Variants in DAPP1 observed in about 807,000 individuals in gnomAD.
The protein encoded by DAPP1 is dual adaptor of phosphotyrosine and 3-phosphoinositides 1.
In DAPP1, 20 loss-of-function variants were observed where a neutral mutation model predicts 41.5. The ratio of observed to expected loss-of-function variants is 0.48; its 90% CI spans 0.34 to 0.70. The LOEUF (loss-of-function observed/expected upper bound fraction) is 0.70. Among genes scored for constraint, DAPP1 ranks in the 30% least tolerant of loss-of-function variants. DAPP1 has a pLI of 0.01. For missense variants in DAPP1, 233 were observed against 333.4 expected, an observed-to-expected ratio of 0.70 and a Z score of 2.35; for synonymous variants, 113 against 116.2, an observed-to-expected ratio of 0.97 and a Z score of 0.18.
chr4:99,830,503 A>G (rs1348306834), intron 1 of DAPP1, among the ~76,000 whole-genome samples: 1 of 152,196 alleles, frequency 6.6e-6, no homozygotes, highest in African/African-American at 2.4e-5. Context: ...TAAACATCAG[A>G]CAAGGAACTG....
intron 1 of DAPP1, among the ~76,000 whole-genome samples, chr4:99,828,042 T>C (rs749086948): frequency 1.3e-5 from 2 of 152,248 alleles, no homozygotes; most frequent in Admixed American, 6.5e-5. Context: ...ATCATGAACA[T>C]ATGGATTAAG....
At chr4:99,827,759 G>T (rs1002962378) in intron 1 of DAPP1, among the ~76,000 whole-genome samples, 1 of 152,066 alleles carries the variant, frequency 6.6e-6, no homozygotes, top group African/African-American at 2.4e-5. Flanking sequence ...AGAGTTTAAC[G>T]TTAAGACAGA....
At chr4:99,823,515 T>A (rs920196413) in intron 1 of DAPP1, among the ~76,000 whole-genome samples, 15 of 152,228 alleles carry the variant, frequency 9.9e-5, no homozygotes, top group Non-Finnish European at 1.5e-5. Flanking sequence ...ATTATATGTA[T>A]AATTTTGCTT....
rs562889183 is a variant in DAPP1 at position 99,853,959 on chromosome 4, A to C, written c.489+611A>C. Among the ~76,000 whole-genome samples, 68 of 152,320 alleles carry C rather than the reference A, an allele frequency of 4.5e-4. 1 individual carries two copies. The highest frequency in any genetic ancestry group is 1.5e-3 in the African/African-American group (64 of 41,582). On this transcript the variant is annotated intron_variant, in intron 4 of 8. Coordinates refer to ENST00000512369, the MANE Select transcript of DAPP1 (RefSeq NM_014395.3). ...AGTTTGCATTCACATAGTTTTCTAAACTGTTTTCTCCTACAATTTTCTTAT... is the reference window on the plus strand; with the variant it reads ...AGTTTGCATTCACATAGTTTTCTAACCTGTTTTCTCCTACAATTTTCTTAT...
chr4:99,831,884 G>T (rs1723130586), intron 1 of DAPP1, among the ~76,000 whole-genome samples: 1 of 151,280 alleles, frequency 6.6e-6, no homozygotes, highest in Non-Finnish European at 1.5e-5. Flanking sequence ...TTCCTCTTCT[G>T]AAAAACACAT....
intron 3 of DAPP1, chr4:99,844,475 G>A (rs1053918967): frequency 6.6e-6 from 1 of 152,140 alleles, no homozygotes; most frequent in Admixed American, 6.5e-5. Context: ...GTAGCCTCTT[G>A]TAATTAGCTA....
At chr4:99,850,376 C>T (rs984778917) in intron 3 of DAPP1, among the ~76,000 whole-genome samples, 1 of 151,850 alleles carries the variant, frequency 6.6e-6, no homozygotes, top group Non-Finnish European at 1.5e-5. Context: ...TGACATTGCA[C>T]TCCAGCCTGG....
chr4:99,817,997 C>T (rs1651792666), intron 1 of DAPP1, among the ~76,000 whole-genome samples: 1 of 152,216 alleles, frequency 6.6e-6, no homozygotes. Context: ...CAACCTACCA[C>T]AGGCTATGTC....
At chr4:99,840,233 C>T in intron 2 of DAPP1, 56 bp from the exon 3 acceptor site, 1 of 1,253,120 alleles carries the variant, frequency 8.0e-7, no homozygotes, top group Non-Finnish European at 1.1e-6. Context: ...TCATATTTCC[C>T]TTCAACAAGA....
At position 99,866,164 on chromosome 4, in the gene DAPP1, A is replaced by G. The variant is rs1345788564; in HGVS notation, c.774+43A>G. 3 of 1,048,176 alleles carry G rather than the reference A, an allele frequency of 2.9e-6. No individual in the cohort carries two copies. The African/African-American group carries it at 4.7e-5, about 16-fold the overall frequency. The allele number at this position is 1,048,176 out of a possible 1,614,324, so 64.9% of individuals were successfully genotyped here. A position where few individuals can be genotyped will look rare whatever the true frequency, so the allele number is the denominator to read the frequency against. On this transcript the variant is annotated intron_variant, in intron 8 of 8. Transcript: ENST00000512369. ...TTCAGATGTCAAGTCTTGAGAAATA[A>G]CATGTTGATGATTTCAAACATATTT... is the stretch of plus-strand genomic sequence containing the variant.
chr4:99,852,561 G>A (rs1047138684), intron 3 of DAPP1, among the ~76,000 whole-genome samples: 1 of 152,162 alleles, frequency 6.6e-6, no homozygotes, highest in African/African-American at 2.4e-5. Flanking sequence ...GGAAGGGGAA[G>A]GAGGCAATCA....
At chr4:99,824,665 T>C (rs1190109785) in intron 1 of DAPP1, among the ~76,000 whole-genome samples, 1 of 152,172 alleles carries the variant, frequency 6.6e-6, no homozygotes, top group African/African-American at 2.4e-5. Context: ...ACAATTACCC[T>C]GAACCAGCAC....
chr4:99,834,234 G>A (rs977632053), intron 1 of DAPP1, among the ~76,000 whole-genome samples: 7 of 152,154 alleles, frequency 4.6e-5, no homozygotes, highest in African/African-American at 1.7e-4. Flanking sequence ...AATCAGGAGT[G>A]GAGGTACACA....
intron 1 of DAPP1, among the ~76,000 whole-genome samples, chr4:99,835,165 T>C (rs1250366165): frequency 8.6e-5 from 13 of 152,030 alleles, no homozygotes; most frequent in Non-Finnish European, 1.8e-4. Flanking sequence ...CCTGCCACCA[T>C]GCCAGGCTAA....
chr4:99,838,231 A>T (rs773722548), intron 2 of DAPP1, among the ~76,000 whole-genome samples: 5 of 152,204 alleles, frequency 3.3e-5, no homozygotes, highest in African/African-American at 1.2e-4. Flanking sequence ...CATATTTCAT[A>T]TACATAAAAA....
chr4:99,821,374 AC>A (rs869064279), intron 1 of DAPP1, among the ~76,000 whole-genome samples: 86 of 152,224 alleles, frequency 5.6e-4, no homozygotes, highest in African/African-American at 2.1e-3. Context: ...TGAGAGACAC[AC>A]CTAGGAACTT....
chr4:99,870,562 A>C (rs546320663), downstream of DAPP1, among the ~76,000 whole-genome samples: 1 of 152,324 alleles, frequency 6.6e-6, no homozygotes, highest in African/African-American at 2.4e-5. Context: ...TCCTGCAAAG[A>C]AATGATTCTA....
At chr4:99,842,328 C>A (rs893597587) in intron 3 of DAPP1, among the ~76,000 whole-genome samples, 9 of 152,182 alleles carry the variant, frequency 5.9e-5, no homozygotes, top group African/African-American at 2.2e-4. Context: ...TACAATATAA[C>A]TCAGGAACCT....
chr4:99,833,655 G>A (rs187000134), intron 1 of DAPP1, among the ~76,000 whole-genome samples: 1 of 152,140 alleles, frequency 6.6e-6, no homozygotes, highest in Non-Finnish European at 1.5e-5. Context: ...GACATTATTT[G>A]TATAATTGCC....
Sources: allele counts gnomAD v4.1 joint callset (sites outside exome capture counted in the v4.1 genomes callset), GRCh38; gene constraint gnomAD v4.1.1; transcripts MANE v1.5; gene names NCBI Gene and HGNC (gene_info 2026-07-23, HGNC 2026-07-21).